Variants in STKLD1 observed in about 807,000 individuals in gnomAD.
STKLD1 encodes the protein serine/threonine kinase like domain containing 1.
A neutral mutation model predicts 80.4 loss-of-function variants in STKLD1; 79 were observed. The ratio of observed to expected loss-of-function variants is 0.98; its 90% CI spans 0.82 to 1.19. The LOEUF (loss-of-function observed/expected upper bound fraction) is 1.19. Among genes scored for constraint, STKLD1 ranks in the 50% most tolerant of loss-of-function variants. The pLI is 0.00. For missense variants in STKLD1, 841 were observed against 856.0 expected, an observed-to-expected ratio of 0.98 and a Z score of 0.22; for synonymous variants, 393 against 357.6, an observed-to-expected ratio of 1.10 and a Z score of -1.12.
intron 17 of STKLD1, 127 bp downstream of exon 17, chr9:133,405,056 C>T: frequency 7.0e-7 from 1 of 1,418,764 alleles, no homozygotes; most frequent in Non-Finnish European, 9.6e-7. Flanking sequence ...CCCACTTAAA[C>T]TTCCCACTCA....
intron 15 of STKLD1, 32 bp from the exon 16 acceptor site, chr9:133,403,888 C>A (rs782661976): frequency 3.1e-6 from 5 of 1,609,338 alleles, no homozygotes; most frequent in Non-Finnish European, 4.2e-6. Context: ...CATGGCACAG[C>A]AGGCACAAGG....
rs2130247398 is a variant in STKLD1 at position 133,376,426 on chromosome 9, G to A, written c.-48G>A. ...CCCGCGGGTCCCACTGACCCACGCG[G>A]GGTGGGGCCAGGGGTGGACGCTCGC... On this transcript the variant is annotated 5_prime_UTR_variant, in exon 1 of 18. Transcript: ENST00000371957. The A allele has an allele frequency of 3.3e-6, 5 of 1,509,556 alleles. No individual in the cohort carries two copies. The South Asian group carries it at 3.8e-5, about 11-fold the overall frequency. 93.5% of individuals were successfully genotyped at this position (1,509,556 alleles called of 1,614,324 possible).
At chr9:133,388,880 G>GT (rs1443687675) in intron 5 of STKLD1, 1 of 985,268 alleles carries the variant, frequency 1.0e-6, no homozygotes, top group African/African-American at 1.7e-5. Context: ...TTCAGACTTT[G>GT]TGAGTGAAGC....
rs1484252200 is a variant in STKLD1, at chr9:133,389,476, A to G, written c.397-50A>G. The G allele has an allele frequency of 7.5e-6, 12 of 1,603,074 alleles. No homozygotes were observed. In the South Asian group the frequency reaches 1.1e-4, roughly 15 times the overall value. On this transcript the variant is annotated intron_variant, in intron 5 of 17. Coordinates refer to ENST00000371957, the MANE Select transcript of STKLD1 (RefSeq NM_153710.5). This position sits in a 1 kb window ranked among gnomAD's most constrained non-coding sequence, Gnocchi z 6.4. ...CTGCTCTGAGTGTCACCCCCCTGAAAGCAGCACAGGGTGCCCCTCCCATCC... is the reference window on the plus strand; with the variant it reads ...CTGCTCTGAGTGTCACCCCCCTGAAGGCAGCACAGGGTGCCCCTCCCATCC...
intron 7 of STKLD1, among the ~76,000 whole-genome samples, chr9:133,391,093 G>C (rs1838379847): frequency 6.6e-6 from 1 of 152,214 alleles, no homozygotes; most frequent in Non-Finnish European, 1.5e-5. Flanking sequence ...GGAAAAGAAA[G>C]TGTCAGAAGG....
intron 1 of STKLD1, among the ~76,000 whole-genome samples, 170 bp from the exon 2 acceptor site, chr9:133,378,866 G>C (rs2130258788): frequency 3.9e-5 from 6 of 152,242 alleles, no homozygotes; most frequent in South Asian, 2.1e-4. Flanking sequence ...CCATTGAAAG[G>C]CTTCTTGCCC....
rs1838362750 is a variant in STKLD1 at position 133,390,379 on chromosome 9, A to G, written c.468-302A>G. The stretch of plus-strand genomic sequence containing the variant: ...GTAGCTGAGATATCTAAGGAGGTGA[A>G]TGTGTCAATTAAGGGGCCTCTTCGG... On this transcript the variant is annotated intron_variant, in intron 6 of 17. Transcript: ENST00000371957. This position sits in a 1 kb window ranked among gnomAD's most constrained non-coding sequence, Gnocchi z 5.1. Among the ~76,000 whole-genome samples, 1 of 152,198 alleles carries G rather than the reference A, an allele frequency of 6.6e-6. No homozygotes were observed. The highest frequency in any genetic ancestry group is 1.5e-5 in the Non-Finnish European group (1 of 68,038).
chr9:133,402,942 C>A lies in STKLD1; in HGVS notation c.1404C>A (p.Leu468=). Residue 468 remains leucine (L), a synonymous_variant, in exon 14 of 18, where the codon CTC becomes CTA. Transcript: ENST00000371957. ...TGCTGGAGCACATCCTGGAGCACCT[C>A]AACAGCTCCCTCGAAAGCAGGGACG... ...AGLLEHILEH[L]NSSLESRDVC... 1 of 1,584,392 alleles carries A rather than the reference C, an allele frequency of 6.3e-7. No homozygotes were observed. Among genetic ancestry groups the A allele is most frequent in the Admixed American group, 1.8e-5 (1 of 56,152 alleles).
In STKLD1 at chr9:133,390,733, C is replaced by A. The variant is rs2130287181; in HGVS notation, c.520C>A (p.Gln174Lys). ...CATCAGCAGTGACCACTGCAAACTGCAGGACCTGAGTTCCAATGTGCTAAT... is the reference window on the plus strand; with the variant it reads ...CATCAGCAGTGACCACTGCAAACTGAAGGACCTGAGTTCCAATGTGCTAAT... ...ILISSDHCKLQDLSSNVLMTD... is the reference protein window; with the variant it reads ...ILISSDHCKLKDLSSNVLMTD... Residue 174 changes from glutamine (Q) to lysine (K), a missense_variant, in exon 7 of 18, where the codon CAG becomes AAG. By Grantham distance (53) the Gln-to-Lys change is moderately conservative. Coordinates refer to ENST00000371957, the MANE Select transcript of STKLD1 (RefSeq NM_153710.5). The surrounding 1 kb of genome is among the most constrained non-coding windows in gnomAD (Gnocchi z 5.1). 1 of 1,613,924 alleles carries A rather than the reference C, an allele frequency of 6.2e-7. No individual in the cohort carries two copies. Among genetic ancestry groups the A allele is most frequent in the Non-Finnish European group, 8.5e-7 (1 of 1,179,966 alleles).
chr9:133,394,444 T>G lies in STKLD1; in HGVS notation c.702+35T>G. ...CCTCCCTCCCCCACACCCCACATGCTGTTCCCCACGCGCCCAGGCCTGGGG... is the reference window on the plus strand; with the variant it reads ...CCTCCCTCCCCCACACCCCACATGCGGTTCCCCACGCGCCCAGGCCTGGGG... On this transcript the variant is annotated intron_variant, in intron 8 of 17. Coordinates refer to ENST00000371957, the MANE Select transcript of STKLD1 (RefSeq NM_153710.5). The surrounding 1 kb of genome is among the most constrained non-coding windows in gnomAD (Gnocchi z 4.9). The G allele has an allele frequency of 6.8e-7, 1 of 1,473,772 alleles. No homozygotes were observed. The highest frequency in any genetic ancestry group is 9.4e-7 in the Non-Finnish European group (1 of 1,059,044). The allele number at this position is 1,473,772 out of a possible 1,614,324, so 91.3% of individuals were successfully genotyped here.
chr9:133,382,123 C>G (rs1300184339), intron 2 of STKLD1, among the ~76,000 whole-genome samples: 1 of 152,228 alleles, frequency 6.6e-6, no homozygotes, highest in East Asian at 1.9e-4. Context: ...CTCCCCACCT[C>G]CACCCGGAGA....
intron 11 of STKLD1, among the ~76,000 whole-genome samples, chr9:133,399,150 G>C (rs988154707): frequency 6.6e-6 from 1 of 152,186 alleles, no homozygotes; most frequent in African/African-American, 2.4e-5. Context: ...CACCGTGCTC[G>C]GCCAATTTTT....
intron 16 of STKLD1, 94 bp from the exon 17 acceptor site, chr9:133,404,695 T>G: frequency 2.3e-5 from 35 of 1,510,348 alleles, no homozygotes; most frequent in Non-Finnish European, 3.0e-5. Flanking sequence ...CCCAGGCCCC[T>G]GTGTGAGCTC....
chr9:133,390,156 C>T lies in STKLD1; in HGVS notation c.468-525C>T, dbSNP rs114026042. ...GCTTGAGGCTGCAGTGAGCTATGAT[C>T]GTGCCACTGCACTTCAGCCTGGGCA... On this transcript the variant is annotated intron_variant, in intron 6 of 17. Coordinates refer to ENST00000371957, the MANE Select transcript of STKLD1 (RefSeq NM_153710.5). The surrounding 1 kb of genome is among the most constrained non-coding windows in gnomAD (Gnocchi z 5.1). 3.9e-3 allele frequency among the ~76,000 whole-genome samples: 578 copies of T among 148,768 alleles called. 1 individual carries two copies. The highest frequency in any genetic ancestry group is 0.014 in the African/African-American group (558 of 40,412).
intron 11 of STKLD1, among the ~76,000 whole-genome samples, chr9:133,398,430 A>G (rs1838616136): frequency 6.6e-6 from 1 of 152,226 alleles, no homozygotes; most frequent in East Asian, 1.9e-4. Context: ...ACAGATTCCT[A>G]GATGTTCAAG....
chr9:133,404,586 G>C (rs782168783), intron 16 of STKLD1, among the ~76,000 whole-genome samples: 1 of 152,174 alleles, frequency 6.6e-6, no homozygotes, highest in South Asian at 2.1e-4. Flanking sequence ...GCTCTGGGGG[G>C]GCTGCCTCCT....
At chr9:133,383,281 GTGGTGTGATGATGTGATGGTGGTAA>G in intron 2 of STKLD1, among the ~76,000 whole-genome samples, 1 of 6,854 alleles carries the variant, frequency 1.5e-4, no homozygotes. Flanking sequence ...GGTAATGGTG[GTGGTGTGATGATGTGATGGTGGTAA>G]TGGTGGTGGT....
chr9:133,391,650 A>C (rs2130289935), intron 7 of STKLD1, among the ~76,000 whole-genome samples: 3 of 152,100 alleles, frequency 2.0e-5, no homozygotes, highest in African/African-American at 7.2e-5. Context: ...TTTGTTTAAC[A>C]GATGCTTGAA....
At position 133,389,309 on chromosome 9, in the gene STKLD1, G is replaced by A; in HGVS notation, c.397-217G>A. On this transcript the variant is annotated intron_variant, in intron 5 of 17. Transcript: ENST00000371957. The surrounding 1 kb of genome is among the most constrained non-coding windows in gnomAD (Gnocchi z 6.4). ...GTATGGAGACAGCAGTGTGGAGTCT[G>A]GAAACTCAGAGTCCTTCTGGCTGCC... The A allele has an allele frequency of 1.0e-6, 1 of 985,354 alleles. No homozygotes were observed. The highest frequency in any genetic ancestry group is 1.2e-6 in the Non-Finnish European group (1 of 829,914). The allele number at this position is 985,354 out of a possible 1,614,324, so 61.0% of individuals were successfully genotyped here. A position where few individuals can be genotyped will look rare whatever the true frequency, so the allele number is the denominator to read the frequency against.
Sources: gnomAD v4.1 joint callset for allele counts (sites outside exome capture counted in the v4.1 genomes callset) on GRCh38, gnomAD v4.1.1 for gene constraint, Gnocchi (gnomAD v3.1) non-coding constraint, MANE v1.5 for transcripts, NCBI Gene and HGNC (gene_info 2026-07-23, HGNC 2026-07-21) for gene names.